CEP128: variants seen among roughly 807,000 people sequenced by gnomAD.
The protein encoded by CEP128 is centrosomal protein 128.
Under a neutral mutation model 156.7 loss-of-function variants are expected in CEP128, and 132 were observed. That is an observed-to-expected ratio of 0.84 (90% CI 0.73 to 0.97). The LOEUF (loss-of-function observed/expected upper bound fraction) is 0.97, where lower values mean the gene tolerates loss of function less well. Among genes scored for constraint, CEP128 ranks in the 50% least tolerant of loss-of-function variants. The pLI is 0.00. For missense variants in CEP128, 1,252 were observed against 1,281.9 expected (o/e 0.98, Z 0.36); for synonymous variants, 469 against 448.9 (o/e 1.04, Z -0.57).
chr14:80,623,745 T>C (rs188515588), intron 19 of CEP128, among the ~76,000 whole-genome samples: 8 of 152,254 alleles, frequency 5.3e-5, no homozygotes, highest in Admixed American at 2.0e-4. Context: ...GATTTTTTAA[T>C]GTAAAAAAAG....
chr14:80,614,930 T>TTG (rs1893148967), intron 19 of CEP128, among the ~76,000 whole-genome samples: 1 of 152,232 alleles, frequency 6.6e-6, no homozygotes, highest in Non-Finnish European at 1.5e-5. Flanking sequence ...GCAAAGGTTA[T>TTG]CAAATGTACA....
In CEP128 at chr14:80,733,534, G is replaced by C. The variant is rs988840791; in HGVS notation, c.2806+9541C>G. On this transcript the variant is annotated intron_variant, in intron 19 of 24. Coordinates refer to ENST00000555265, the MANE Select transcript of CEP128 (RefSeq NM_152446.5). Reference sequence around the variant, plus strand: ...CTTTGTAAAGTCACCAGTTGTAGTGGACAAGGAAATGGGAGAATGTAATCT... The same window carrying C: ...CTTTGTAAAGTCACCAGTTGTAGTGCACAAGGAAATGGGAGAATGTAATCT... Among the ~76,000 whole-genome samples, 150 of 152,118 alleles carry C rather than the reference G, an allele frequency of 9.9e-4. 1 individual carries two copies. The highest frequency in any genetic ancestry group is 3.4e-3 in the African/African-American group (141 of 41,528).
At chr14:80,723,763 T>C (rs144915731) in intron 19 of CEP128, among the ~76,000 whole-genome samples, 1 of 152,288 alleles carries the variant, frequency 6.6e-6, no homozygotes, top group Non-Finnish European at 1.5e-5. Flanking sequence ...CCTCAAAGCC[T>C]AATTTTAAGG....
chr14:80,808,906 C>A (rs1026362598), intron 13 of CEP128, among the ~76,000 whole-genome samples: 2 of 152,010 alleles, frequency 1.3e-5, no homozygotes, highest in Non-Finnish European at 2.9e-5. Context: ...TGGAAAAAAA[C>A]AACTATTACG....
intron 13 of CEP128, among the ~76,000 whole-genome samples, chr14:80,802,783 G>T (rs942983709): frequency 2.6e-5 from 4 of 152,152 alleles, no homozygotes; most frequent in Admixed American, 2.6e-4. Flanking sequence ...TTAGGTATGT[G>T]CTTGAGAAAG....
chr14:80,857,571 C>G (rs944989528), intron 9 of CEP128, among the ~76,000 whole-genome samples: 1 of 151,332 alleles, frequency 6.6e-6, no homozygotes, highest in African/African-American at 2.4e-5. Context: ...CATCTCTACC[C>G]AAAATACAAC....
intron 6 of CEP128, among the ~76,000 whole-genome samples, chr14:80,491,161 T>C (rs1887310763): frequency 6.6e-6 from 1 of 152,198 alleles, no homozygotes; most frequent in South Asian, 2.1e-4. Context: ...AAATGAGCAA[T>C]GACCACCACT....
chr14:80,505,075 T>A (rs1887910605), intron 23 of CEP128, 55 bp from the exon 24 acceptor site: 6 of 773,034 alleles, frequency 7.8e-6, no homozygotes, highest in Non-Finnish European at 1.2e-5. Flanking sequence ...GGACCAAGGC[T>A]CATTTAAACG....
At chr14:80,496,365 T>C (rs1194626906), downstream of CEP128, 1 of 152,600 alleles carries the variant, frequency 6.6e-6, no homozygotes, top group African/African-American at 2.4e-5. Context: ...GCCATTTTTT[T>C]CTTCAGTACC....
chr14:80,923,557 T>A (rs1884991560), intron 2 of CEP128, among the ~76,000 whole-genome samples: 1 of 152,188 alleles, frequency 6.6e-6, no homozygotes, highest in African/African-American at 2.4e-5. Flanking sequence ...TCAGGGGTGA[T>A]ATTTCACAAA....
At chr14:80,609,140 T>A (rs1892899538) in intron 19 of CEP128, among the ~76,000 whole-genome samples, 1 of 152,210 alleles carries the variant, frequency 6.6e-6, no homozygotes, top group African/African-American at 2.4e-5. Flanking sequence ...GAGCTTTCAT[T>A]TTCAATAAAC....
At chr14:80,547,660 A>G (rs1890041235) in intron 21 of CEP128, among the ~76,000 whole-genome samples, 1 of 152,182 alleles carries the variant, frequency 6.6e-6, no homozygotes, top group Non-Finnish European at 1.5e-5. Context: ...GGGACATAAT[A>G]AATATCTCAT....
chr14:80,932,880 T>A (rs895029672), intron 2 of CEP128, among the ~76,000 whole-genome samples: 1 of 151,524 alleles, frequency 6.6e-6, no homozygotes, highest in African/African-American at 2.4e-5. Flanking sequence ...CCTAAAGCTA[T>A]TGAAACCAAA....
At chr14:80,626,652 C>G (rs914737916) in intron 19 of CEP128, among the ~76,000 whole-genome samples, 2 of 151,652 alleles carry the variant, frequency 1.3e-5, no homozygotes, top group African/African-American at 4.9e-5. Flanking sequence ...CCCCTCAGAG[C>G]TTTCAGAAGC....
In CEP128 at chr14:80,700,539, C is replaced by G. The variant is rs1897041084; in HGVS notation, c.2806+42536G>C. On this transcript the variant is annotated intron_variant, in intron 19 of 24. Transcript: ENST00000555265. ...TATTCATTGACCCCCCCCAAAAAAGCCATATTTCAGAGACCATATATGTTA... is the reference window on the plus strand; with the variant it reads ...TATTCATTGACCCCCCCCAAAAAAGGCATATTTCAGAGACCATATATGTTA... Among the ~76,000 whole-genome samples, 3 of 150,042 alleles carry G rather than the reference C, an allele frequency of 2.0e-5. No individual in the cohort carries two copies. In the South Asian group the frequency reaches 6.2e-4, roughly 31 times the overall value.
At chr14:80,957,424 G>A (rs1436958607) in intron 2 of CEP128, among the ~76,000 whole-genome samples, 5 of 148,962 alleles carry the variant, frequency 3.4e-5, no homozygotes, top group East Asian at 3.9e-4. Flanking sequence ...ATTCAACCCC[G>A]AATTCCTGAA....
Position 80,548,799 on chromosome 14 carries a change from C to T in CEP128, c.2880+10480G>A, listed in dbSNP as rs539270334. Among the ~76,000 whole-genome samples, 12 of 152,314 alleles carry T rather than the reference C, an allele frequency of 7.9e-5. No homozygotes were observed. In the South Asian group the frequency reaches 2.5e-3, roughly 32 times the overall value. On this transcript the variant is annotated intron_variant, in intron 21 of 24. Coordinates refer to ENST00000555265, the MANE Select transcript of CEP128 (RefSeq NM_152446.5). Reference sequence around the variant, plus strand: ...CCAAACACTGAGCAATTCAATAATACTAAGTTCATCTGCTGGTGAAGCTGC... The same window carrying T: ...CCAAACACTGAGCAATTCAATAATATTAAGTTCATCTGCTGGTGAAGCTGC...
At chr14:80,532,200 T>TA (rs1251007698) in intron 21 of CEP128, among the ~76,000 whole-genome samples, 1 of 151,868 alleles carries the variant, frequency 6.6e-6, no homozygotes, top group East Asian at 1.9e-4. Flanking sequence ...TATATATATA[T>TA]ATTTTTTTTC....
At chr14:80,486,114 A>C (rs1359415144), downstream of CEP128, among the ~76,000 whole-genome samples, 1 of 152,182 alleles carries the variant, frequency 6.6e-6, no homozygotes, top group Admixed American at 6.6e-5. Context: ...GACCTATTGC[A>C]TTGTAGTTAC....
Sources: gnomAD v4.1 joint callset for allele counts (sites outside exome capture counted in the v4.1 genomes callset) on GRCh38, gnomAD v4.1.1 for gene constraint, MANE v1.5 for transcripts, NCBI Gene and HGNC (gene_info 2026-07-23, HGNC 2026-07-21) for gene names.